ARMC2: variants seen among roughly 807,000 people sequenced by gnomAD.
The protein encoded by ARMC2 is armadillo repeat-containing protein 2.
A neutral mutation model predicts 90.3 loss-of-function variants in ARMC2; 67 were observed. That is an observed-to-expected ratio of 0.74 (90% confidence interval 0.61 to 0.91). ARMC2 has a LOEUF of 0.91. Ranked by LOEUF, ARMC2 falls within the 40% of genes least tolerant of loss-of-function variation. The probability of loss-of-function intolerance (pLI) is 0.00; values close to 1 mark genes in which losing one functional copy is unlikely to be tolerated. For missense variants in ARMC2, 920 were observed against 1,030.9 expected, an observed-to-expected ratio of 0.89 and a Z score of 1.47; for synonymous variants, 393 against 393.0, an observed-to-expected ratio of 1.00 and a Z score of 0.00.
intron 12 of ARMC2, among the ~76,000 whole-genome samples, chr6:108,942,503 C>T (rs542606788): frequency 4.6e-5 from 7 of 152,104 alleles, no homozygotes; most frequent in Admixed American, 3.9e-4. Context: ...GACACTTTGC[C>T]GCAACTGGGA....
rs577304493 is a variant in ARMC2 at position 108,939,634 on chromosome 6, T to C, written c.1596+2635T>C. On this transcript the variant is annotated intron_variant, in intron 12 of 17. Coordinates refer to ENST00000392644, the MANE Select transcript of ARMC2 (RefSeq NM_032131.6). Reference sequence around the variant, plus strand: ...TACGGAACCATGAGCCAATTCAATCTCTTTTCTTGATAAATTATCTAATCT... The same window carrying C: ...TACGGAACCATGAGCCAATTCAATCCCTTTTCTTGATAAATTATCTAATCT... Among the ~76,000 whole-genome samples, 75 of 152,314 alleles carry C rather than the reference T, an allele frequency of 4.9e-4. 1 individual carries two copies. Among genetic ancestry groups the C allele is most frequent in the African/African-American group, 1.8e-3 (73 of 41,566 alleles).
At chr6:108,883,006 T>A (rs923595323) in intron 5 of ARMC2, among the ~76,000 whole-genome samples, 6 of 152,212 alleles carry the variant, frequency 3.9e-5, no homozygotes, top group African/African-American at 1.4e-4. Flanking sequence ...TTTCCACCAG[T>A]GCTCAGCACT....
chr6:109,000,633 T>C, the ARMC2 span: 75 of 1,610,598 alleles, frequency 4.7e-5, no homozygotes, highest in Non-Finnish European at 6.0e-5. Context: ...ATCATTTACA[T>C]GCAGGTTCAC....
chr6:108,965,426 G>A (rs1045838660), intron 17 of ARMC2, among the ~76,000 whole-genome samples: 3 of 141,580 alleles, frequency 2.1e-5, no homozygotes, highest in African/African-American at 5.2e-5. Flanking sequence ...AGACCTCAGC[G>A]TAAATGTACT....
At chr6:109,048,796 A>G in the ARMC2 span, among the ~76,000 whole-genome samples, 517 of 152,332 alleles carry the variant, frequency 3.4e-3, 2 homozygotes, top group South Asian at 7.9e-3. Flanking sequence ...AAATTCCAGG[A>G]AGATACATCA....
chr6:108,894,866 A>G (rs1370358823), intron 6 of ARMC2, among the ~76,000 whole-genome samples: 1 of 143,266 alleles, frequency 7.0e-6, no homozygotes, highest in Non-Finnish European at 1.5e-5. Flanking sequence ...TCCCAGGTTC[A>G]TGCCATTCTC....
downstream of ARMC2, among the ~76,000 whole-genome samples, chr6:108,976,291 G>T (rs1384844036): frequency 1.3e-5 from 2 of 152,106 alleles, no homozygotes; most frequent in Non-Finnish European, 2.9e-5. Flanking sequence ...TTTTTGTCAG[G>T]TTTGTCAAGG....
chr6:108,855,225 A>G (rs547353423), intron 2 of ARMC2, among the ~76,000 whole-genome samples: 2 of 151,762 alleles, frequency 1.3e-5, no homozygotes, highest in South Asian at 2.1e-4. Flanking sequence ...CTGTGTGGAC[A>G]TAAGTTTTCT....
chr6:109,018,289 A>G, the ARMC2 span, among the ~76,000 whole-genome samples: 1 of 152,236 alleles, frequency 6.6e-6, no homozygotes, highest in Non-Finnish European at 1.5e-5. Flanking sequence ...TACCAGTAAT[A>G]ATTCAGTTAT....
intron 5 of ARMC2, among the ~76,000 whole-genome samples, chr6:108,880,899 A>C (rs1485512783): frequency 1.3e-5 from 2 of 149,334 alleles, no homozygotes; most frequent in Non-Finnish European, 3.0e-5. Context: ...CTCTATTGTC[A>C]GGATGGAGTG....
chr6:109,045,305 C>T, the ARMC2 span, among the ~76,000 whole-genome samples: 9 of 152,188 alleles, frequency 5.9e-5, no homozygotes, highest in Admixed American at 4.6e-4. Flanking sequence ...CAGATTAGAA[C>T]GATAGCCTCC....
At chr6:109,048,107 A>ATT in the ARMC2 span, among the ~76,000 whole-genome samples, 1 of 121,694 alleles carries the variant, frequency 8.2e-6, no homozygotes, top group Non-Finnish European at 2.0e-5. Context: ...AATAAATTAA[A>ATT]AAAAAAAAAA....
chr6:108,962,245 C>A, intron 15 of ARMC2, 118 bp downstream of exon 15: 2 of 887,994 alleles, frequency 2.3e-6, no homozygotes, highest in Non-Finnish European at 1.7e-6. Context: ...ATTTGTAAAG[C>A]TTCGTGTTTA....
chr6:108,852,000 A>C (rs1774062435), intron 1 of ARMC2, among the ~76,000 whole-genome samples: 1 of 152,142 alleles, frequency 6.6e-6, no homozygotes. Context: ...TGCACATAGG[A>C]AACAGTTAAT....
intron 8 of ARMC2, chr6:108,907,855 T>C: frequency 6.2e-7 from 1 of 1,611,064 alleles, no homozygotes; most frequent in Non-Finnish European, 8.5e-7. Context: ...TGTCCTTCAC[T>C]GGTACAACTG....
At chr6:109,001,961 A>C in the ARMC2 span, among the ~76,000 whole-genome samples, 1 of 152,236 alleles carries the variant, frequency 6.6e-6, no homozygotes, top group East Asian at 1.9e-4. Flanking sequence ...GGAGACAGTC[A>C]AGACTAAGTA....
the ARMC2 span, among the ~76,000 whole-genome samples, chr6:109,047,443 G>T: frequency 7.9e-6 from 1 of 126,960 alleles, no homozygotes; most frequent in Admixed American, 7.4e-5. Flanking sequence ...CCCTCTGCCC[G>T]GCCAGCCGCC....
the ARMC2 span, among the ~76,000 whole-genome samples, chr6:109,033,582 G>A: frequency 6.6e-6 from 1 of 152,050 alleles, no homozygotes; most frequent in Non-Finnish European, 1.5e-5. Context: ...GAATGAATCT[G>A]AACTTTGTAA....
In ARMC2 at chr6:108,860,015, A is replaced by C. The variant is rs1471388745; in HGVS notation, c.291+1744A>C. On this transcript the variant is annotated intron_variant, in intron 3 of 17. Transcript: ENST00000392644. ...GTGAAACTCTGTCTTAAAAAAAAAA[A>C]AAAAAAAGATGTAGGACTTTCTGGA... Among the ~76,000 whole-genome samples, 9 of 152,138 alleles carry C rather than the reference A, an allele frequency of 5.9e-5. No homozygotes were observed. The East Asian group carries it at 1.7e-3, about 29-fold the overall frequency.
Sources: gnomAD v4.1 joint callset for allele counts (sites outside exome capture counted in the v4.1 genomes callset) on GRCh38, gnomAD v4.1.1 for gene constraint, MANE v1.5 for transcripts, NCBI Gene and HGNC (gene_info 2026-07-23, HGNC 2026-07-21) for gene names.